ALDH3A1: variants seen among roughly 807,000 people sequenced by gnomAD.
ALDH3A1 encodes the protein aldehyde dehydrogenase, dimeric NADP-preferring.
A neutral mutation model predicts 49.9 loss-of-function variants in ALDH3A1; 46 were observed. The observed-to-expected ratio is 0.92, with a 90% confidence interval of 0.73 to 1.18. ALDH3A1 has a LOEUF of 1.18. Among genes scored for constraint, ALDH3A1 ranks in the 50% most tolerant of loss-of-function variants. The pLI, the probability that ALDH3A1 is intolerant of heterozygous loss-of-function variation, is 0.00. For missense variants in ALDH3A1, 592 were observed against 611.8 expected (o/e 0.97, Z 0.34); for synonymous variants, 269 against 253.3 (o/e 1.06, Z -0.59).
In ALDH3A1 at chr17:19,742,068, G is replaced by C. The variant is rs977599775; in HGVS notation, c.625C>G (p.Leu209Val). 6.2e-7 allele frequency: 1 copy of C among 1,614,038 alleles called. No homozygotes were observed. The stretch of plus-strand genomic sequence containing the variant: ...CAGGGACTCTTCCCTCCCAGCTCCA[G>C]CGTGACAGGGGTCAGGTGCTTGGCA... ...AAAKHLTPVT[L>V]ELGGKSPCYV... Residue 209 changes from leucine (L) to valine (V), a missense_variant, in exon 5 of 11, where the codon CTG (leucine) becomes GTG (valine). Coordinates refer to ENST00000225740, the MANE Select transcript of ALDH3A1 (RefSeq NM_000691.5).
chr17:19,745,455 C>T (rs767779520), intron 1 of ALDH3A1: 2 of 313,170 alleles, frequency 6.4e-6, no homozygotes, highest in Non-Finnish European at 5.9e-6. Context: ...GCTTGCAAAG[C>T]TGATGGCACA....
rs1248553999 is a variant in ALDH3A1, at chr17:19,738,111, G to T, written c.*110C>A. On this transcript the variant is annotated 3_prime_UTR_variant, in exon 11 of 11. Transcript: ENST00000225740. ...GGTCAGCAGGTCAGCAGAGGAGTGG[G>T]GCTGGGCTGGGGCTGCAGGAGCGAT... is the stretch of plus-strand genomic sequence containing the variant. 2 of 1,599,300 alleles carry T rather than the reference G, an allele frequency of 1.3e-6. No homozygotes were observed. The highest frequency in any genetic ancestry group is 1.7e-6 in the Non-Finnish European group (2 of 1,178,088).
rs1160643776 is a variant in ALDH3A1, at chr17:19,746,680, TGTGCGTGTGTGTGTGC to T, written c.-5-1562_-5-1547del. Among the ~76,000 whole-genome samples the T allele has an allele frequency of 7.2e-3, 1,047 of 145,684 alleles. 9 individuals carry two copies. Among genetic ancestry groups the T allele is most frequent in the African/African-American group, 0.025 (989 of 39,122 alleles). On this transcript the variant is annotated intron_variant, in intron 1 of 10. Coordinates refer to ENST00000225740, the MANE Select transcript of ALDH3A1 (RefSeq NM_000691.5). ...ATGTGTGTGTGTGCGTGTGTGTGCA[TGTGCGTGTGTGTGTGC>T]GTGCGTGTGTGTGCATGTGCGTGTG...
intron 1 of ALDH3A1, 121 bp from the exon 2 acceptor site, chr17:19,745,255 G>T (rs970921427): frequency 5.6e-5 from 61 of 1,091,538 alleles, no homozygotes; most frequent in Non-Finnish European, 7.6e-5. Flanking sequence ...TGGCCTTTCC[G>T]CTGGAAGGTC....
intron 4 of ALDH3A1, 148 bp from the exon 5 acceptor site, chr17:19,742,360 C>T: frequency 9.0e-7 from 1 of 1,114,850 alleles, no homozygotes; most frequent in South Asian, 1.5e-5. Flanking sequence ...TGGCAGTAGA[C>T]CGCCTTTCCT....
chr17:19,743,809 G>C lies in ALDH3A1; in HGVS notation c.163-346C>G, dbSNP rs73312707. On this transcript the variant is annotated intron_variant, in intron 2 of 10. Coordinates refer to ENST00000225740, the MANE Select transcript of ALDH3A1 (RefSeq NM_000691.5). The surrounding 1 kb of genome is among the most constrained non-coding windows in gnomAD (Gnocchi z 4.4). ...AGGCAGTGGGAATGGATCCGGGGAG[G>C]GGGGGATGGATCCGGGGAGGGGGGA... 108 of 973,150 alleles carry C rather than the reference G, an allele frequency of 1.1e-4. No individual in the cohort carries two copies. The highest frequency in any genetic ancestry group is 5.3e-4 in the Middle Eastern group (1 of 1,892). 60.3% of individuals were successfully genotyped at this position (973,150 alleles called of 1,614,324 possible). A position where few individuals can be genotyped will look rare whatever the true frequency, so the allele number is the denominator to read the frequency against.
chr17:19,744,917 C>CCCCCCCCAA, intron 2 of ALDH3A1, 51 bp downstream of exon 2: 3 of 1,360,564 alleles, frequency 2.2e-6, no homozygotes, highest in Non-Finnish European at 2.9e-6. Context: ...CCCCCCACGC[C>CCCCCCCCAA]CCATCGCATG....
Position 19,738,445 on chromosome 17 carries a change from C to T in ALDH3A1, c.1225G>A (p.Gly409Ser), listed in dbSNP as rs763270082. 1.1e-5 allele frequency: 18 copies of T among 1,611,850 alleles called. No individual in the cohort carries two copies. The highest frequency in any genetic ancestry group is 4.5e-5 in the East Asian group (2 of 44,800). The change falls in exon 10 of 11, where the codon GGC becomes AGC. Residue 409 changes from glycine (G) to serine (S), a missense_variant. Transcript: ENST00000225740. ...TTCTTGCCATGGTAGGATCCCATGC[C>T]GCTGTTCCCTGCGGAGGAGAAGTAA... ...SLPFGGVGNS[G>S]MGSYHGKKSF...
chr17:19,746,675 GT>G lies in ALDH3A1; in HGVS notation c.-5-1542del, dbSNP rs2086602853. ...TGTGCATGTGTGTGTGTGCGTGTGT[GT>G]GCATGTGCGTGTGTGTGTGCGTGCG... On this transcript the variant is annotated intron_variant, in intron 1 of 10. Transcript: ENST00000225740. Among the ~76,000 whole-genome samples, 3 of 147,600 alleles carry G rather than the reference GT, an allele frequency of 2.0e-5. No homozygotes were observed. The South Asian group carries it at 6.4e-4, about 31-fold the overall frequency.
At chr17:19,740,538 G>A (rs1243487429) in intron 6 of ALDH3A1, 61 bp from the exon 7 acceptor site, 5 of 1,588,914 alleles carry the variant, frequency 3.1e-6, no homozygotes, top group African/African-American at 1.3e-5. Context: ...CCCAAAGGCT[G>A]CACAGACACA....
chr17:19,741,159 A>T lies in ALDH3A1; in HGVS notation c.741T>A (p.Pro247=), dbSNP rs2072330. ...FMNSGQTCVA[P]DYILCDPSIQ... Reference sequence around the variant, plus strand: ...TCGAGGGGTCACAGAGGATGTAGTCAGGGGCCACGCAGGTCTGGCCACTGT... The same window carrying T: ...TCGAGGGGTCACAGAGGATGTAGTCTGGGGCCACGCAGGTCTGGCCACTGT... The change falls in exon 6 of 11, where the codon CCT becomes CCA. Residue 247 remains proline, a synonymous_variant. Transcript: ENST00000225740. 623,313 of 1,613,630 alleles carry T rather than the reference A, an allele frequency of 0.39. 124,765 individuals are homozygous for T. Among genetic ancestry groups the T allele is most frequent in the Non-Finnish European group, 0.41 (488,182 of 1,179,690 alleles).
chr17:19,741,866 A>G, intron 5 of ALDH3A1, 138 bp downstream of exon 5: 2 of 850,646 alleles, frequency 2.4e-6, no homozygotes, highest in Non-Finnish European at 3.7e-6. Context: ...CCCCCATGTA[A>G]GTTTCTGCAA....
intron 2 of ALDH3A1, 26 bp downstream of exon 2, chr17:19,744,942 A>T (rs778633741): frequency 6.9e-6 from 8 of 1,155,610 alleles, no homozygotes; most frequent in Admixed American, 5.4e-5. Context: ...CGACACTGGC[A>T]GAAGGCGGCC....
At chr17:19,738,902 C>A in intron 9 of ALDH3A1, 94 bp downstream of exon 9, 1 of 1,131,440 alleles carries the variant, frequency 8.8e-7, no homozygotes, top group African/African-American at 1.5e-5. Flanking sequence ...GGCTGCCGCC[C>A]GGGCTGCAGG....
intron 6 of ALDH3A1, 25 bp from the exon 7 acceptor site, chr17:19,740,502 G>C (rs371403304): frequency 3.1e-6 from 5 of 1,612,140 alleles, no homozygotes; most frequent in Non-Finnish European, 4.2e-6. Flanking sequence ...TGGGGGCTTC[G>C]GGTAAGGACG....
chr17:19,740,326 G>T lies in ALDH3A1; in HGVS notation c.949+10C>A. ...GGGCAGGTGGGCTGTGCTCTTCAGG[G>T]GTCACGCACCTATGTAGCGAGTGGC... On this transcript the variant is annotated intron_variant, in intron 7 of 10. Transcript: ENST00000225740. 1 of 1,613,504 alleles carries T rather than the reference G, an allele frequency of 6.2e-7. No homozygotes were observed. Among genetic ancestry groups the T allele is most frequent in the Middle Eastern group, 1.6e-4 (1 of 6,062 alleles).
At chr17:19,744,943 G>A in intron 2 of ALDH3A1, 25 bp downstream of exon 2, 1 of 1,268,612 alleles carries the variant, frequency 7.9e-7, no homozygotes. Context: ...GACACTGGCA[G>A]AAGGCGGCCG....
chr17:19,748,154 C>T lies in ALDH3A1; in HGVS notation c.-6+105G>A, dbSNP rs1294855174. On this transcript the variant is annotated intron_variant, in intron 1 of 10. Transcript: ENST00000225740. The surrounding 1 kb of genome is among the most constrained non-coding windows in gnomAD (Gnocchi z 4.4). Reference sequence around the variant, plus strand: ...AGATGATGGTCCCAGAGGCAGGGACCCCCTGGAGAGATGATGTAGGACTCT... The same window carrying T: ...AGATGATGGTCCCAGAGGCAGGGACTCCCTGGAGAGATGATGTAGGACTCT... 1.4e-5 allele frequency: 5 copies of T among 345,742 alleles called. No individual in the cohort carries two copies. Among genetic ancestry groups the T allele is most frequent in the South Asian group, 2.2e-5 (1 of 45,190 alleles). 21.4% of individuals were successfully genotyped at this position (345,742 alleles called of 1,614,324 possible). A position where few individuals can be genotyped will look rare whatever the true frequency, so the allele number is the denominator to read the frequency against.
At position 19,739,632 on chromosome 17, in the gene ALDH3A1, A is replaced by G; in HGVS notation, c.992T>C (p.Met331Thr). 1 of 1,614,020 alleles carries G rather than the reference A, an allele frequency of 6.2e-7. No individual in the cohort carries two copies. The highest frequency in any genetic ancestry group is 8.5e-7 in the Non-Finnish European group (1 of 1,179,960). Residue 331 changes from methionine (M) to threonine (T), a missense_variant, in exon 8 of 11, where the codon ATG (methionine) becomes ACG (threonine). Met to Thr is a moderately conservative substitution (Grantham distance 81). Transcript: ENST00000225740. ...CACAGGCCCGAAGATCTCCTCTTGC[A>G]TCACCGGGGACTGGGGGTCCACGTC... ...LTDVDPQSPV[M>T]QEEIFGPVLP...
Sources: allele counts gnomAD v4.1 joint callset (sites outside exome capture counted in the v4.1 genomes callset), GRCh38; gene constraint gnomAD v4.1.1; non-coding constraint Gnocchi (gnomAD v3.1); transcripts MANE v1.5; gene names NCBI Gene and HGNC (gene_info 2026-07-23, HGNC 2026-07-21).